Variants in IREB2 observed in about 807,000 individuals in gnomAD.
The protein encoded by IREB2 is iron responsive element binding protein 2.
Under a neutral mutation model 118.8 loss-of-function variants are expected in IREB2, and 39 were observed. The observed-to-expected ratio is 0.33, with a 90% CI of 0.25 to 0.43. The LOEUF is 0.43. Ranked by LOEUF, IREB2 falls within the 20% of genes least tolerant of loss-of-function variation. IREB2 has a pLI of 1.00. For synonymous variants in IREB2, 372 were observed against 392.2 expected (o/e 0.95, Z 0.61); for missense variants, 900 against 1,147.3 (o/e 0.78, Z 3.11).
chr15:78,452,758 AAAAG>A (rs1343010107), intron 2 of IREB2, among the ~76,000 whole-genome samples: 1 of 152,182 alleles, frequency 6.6e-6, no homozygotes, highest in Non-Finnish European at 1.5e-5. Context: ...AAAAAAATGA[AAAAG>A]AACTATAAAG....
rs762574926 is a variant in IREB2, at chr15:78,438,918, C to CAA, written c.19+574_19+575dup. On this transcript the variant is annotated intron_variant, in intron 1 of 21. Transcript: ENST00000258886. ...CTCCTCCCCCGTCCACCTCCCTCTACAAAAAAAAAAAAAGAGAAAAAAATA... is the reference window on the plus strand; with the variant it reads ...CTCCTCCCCCGTCCACCTCCCTCTACAAAAAAAAAAAAAAAGAGAAAAAAATA... 50 of 131,352 alleles carry CAA rather than the reference C, an allele frequency of 3.8e-4. No individual in the cohort carries two copies. The South Asian group carries it at 4.2e-3, about 11-fold the overall frequency. The allele number at this position is 131,352 out of a possible 1,614,324, so 8.1% of individuals were successfully genotyped here. A position where few individuals can be genotyped will look rare whatever the true frequency, so the allele number is the denominator to read the frequency against.
At chr15:78,464,712 A>C (rs1469344679) in intron 3 of IREB2, among the ~76,000 whole-genome samples, 3 of 152,204 alleles carry the variant, frequency 2.0e-5, no homozygotes, top group Non-Finnish European at 4.4e-5. Flanking sequence ...CTATTATAGT[A>C]CTTACGATAC....
In IREB2 at chr15:78,500,927, C is replaced by T. The variant is rs2051933167; in HGVS notation, c.*2784C>T. 6.6e-6 allele frequency: 1 copy of T among 152,208 alleles called. No homozygotes were observed. Among genetic ancestry groups the T allele is most frequent in the Non-Finnish European group, 1.5e-5 (1 of 68,042 alleles). The allele number at this position is 152,208 out of a possible 1,614,324, so 9.4% of individuals were successfully genotyped here. On this transcript the variant is annotated 3_prime_UTR_variant, in exon 22 of 22. Coordinates refer to ENST00000258886, the MANE Select transcript of IREB2 (RefSeq NM_004136.4). Reference sequence around the variant, plus strand: ...AGGAAAGTAAAGCTAGGACCTAAATCAGAATCATAGTTGCCTGCATATATG... The same window carrying T: ...AGGAAAGTAAAGCTAGGACCTAAATTAGAATCATAGTTGCCTGCATATATG...
intron 2 of IREB2, among the ~76,000 whole-genome samples, chr15:78,453,501 G>A (rs1040315435): frequency 6.6e-6 from 1 of 152,188 alleles, no homozygotes; most frequent in African/African-American, 2.4e-5. Flanking sequence ...GAAACCAGTT[G>A]AATTGCAAAC....
At chr15:78,444,336 G>A (rs1016331754) in intron 2 of IREB2, among the ~76,000 whole-genome samples, 4 of 152,046 alleles carry the variant, frequency 2.6e-5, no homozygotes, top group Non-Finnish European at 4.4e-5. Context: ...AAACATGAAT[G>A]ACTATGTTGA....
At chr15:78,452,600 T>A (rs1490551852) in intron 2 of IREB2, among the ~76,000 whole-genome samples, 1 of 152,086 alleles carries the variant, frequency 6.6e-6, no homozygotes, top group Non-Finnish European at 1.5e-5. Flanking sequence ...TAGGCCTACC[T>A]AGAAGTGTTA....
chr15:78,453,898 T>G (rs1837663124), intron 2 of IREB2, among the ~76,000 whole-genome samples: 1 of 152,228 alleles, frequency 6.6e-6, no homozygotes, highest in South Asian at 2.1e-4. Flanking sequence ...TAATCATGTG[T>G]TTACATTAGT....
chr15:78,448,981 A>C (rs1366216858), intron 2 of IREB2, among the ~76,000 whole-genome samples: 1 of 152,200 alleles, frequency 6.6e-6, no homozygotes, highest in Non-Finnish European at 1.5e-5. Flanking sequence ...TGCAAATATC[A>C]AAACCCTTTT....
intron 13 of IREB2, among the ~76,000 whole-genome samples, chr15:78,487,335 T>A (rs1231945808): frequency 6.6e-6 from 1 of 152,232 alleles, no homozygotes; most frequent in African/African-American, 2.4e-5. Flanking sequence ...GGGGGAATTC[T>A]CTTGTACAGT....
Position 78,484,920 on chromosome 15 carries a change from G to T in IREB2, c.1573G>T (p.Gly525Cys). ...NCNPSVMLAAGLLAKKAVEAG... is the reference protein window; with the variant it reads ...NCNPSVMLAACLLAKKAVEAG... The stretch of plus-strand genomic sequence containing the variant: ...CAATCCATCTGTCATGCTTGCTGCA[G>T]GTGGGTTGTGGTTTATGGCCATACT... The change falls in exon 12 of 22, where the codon GGT (glycine) becomes TGT (cysteine). Residue 525 changes from glycine to cysteine, a missense_variant and splice_region_variant. Transcript: ENST00000258886. 6.2e-7 allele frequency: 1 copy of T among 1,611,746 alleles called. No individual in the cohort carries two copies. The highest frequency in any genetic ancestry group is 8.5e-7 in the Non-Finnish European group (1 of 1,178,900).
At chr15:78,453,462 G>A (rs546220158) in intron 2 of IREB2, among the ~76,000 whole-genome samples, 24 of 151,974 alleles carry the variant, frequency 1.6e-4, no homozygotes, top group Non-Finnish European at 3.1e-4. Flanking sequence ...GTCAACTGGG[G>A]CTAGGAGCTG....
chr15:78,442,957 T>C (rs948089507), intron 2 of IREB2, among the ~76,000 whole-genome samples: 2 of 152,044 alleles, frequency 1.3e-5, no homozygotes, highest in Non-Finnish European at 2.9e-5. Context: ...TTGGCCAAAG[T>C]ATCAGTGGCC....
intron 16 of IREB2, 114 bp downstream of exon 16, chr15:78,488,885 T>TAA (rs2141520326): frequency 1.6e-6 from 1 of 639,588 alleles, no homozygotes; most frequent in South Asian, 2.7e-5. Context: ...ATACAGTTTT[T>TAA]AATGTGTAAT....
At chr15:78,489,734 C>T (rs2051718293) in intron 16 of IREB2, among the ~76,000 whole-genome samples, 1 of 152,262 alleles carries the variant, frequency 6.6e-6, no homozygotes, top group South Asian at 2.1e-4. Context: ...TGGTCTCAAA[C>T]TCCTGGACTC....
At chr15:78,439,037 T>C (rs2050803659) in intron 1 of IREB2, among the ~76,000 whole-genome samples, 2 of 152,042 alleles carry the variant, frequency 1.3e-5, no homozygotes, top group African/African-American at 4.8e-5. Flanking sequence ...CCGCTATGAG[T>C]CTGCACAAAA....
chr15:78,454,817 G>C (rs557928975), intron 2 of IREB2, among the ~76,000 whole-genome samples: 2 of 152,266 alleles, frequency 1.3e-5, no homozygotes, highest in African/African-American at 4.8e-5. Flanking sequence ...CTTCAGCCTC[G>C]TTAGTAGTTA....
At position 78,488,434 on chromosome 15, in the gene IREB2, T is replaced by G. The variant is rs573375988; in HGVS notation, c.1951+98T>G. 104 of 1,120,250 alleles carry G rather than the reference T, an allele frequency of 9.3e-5. No homozygotes were observed. In the African/African-American group the frequency reaches 1.5e-3, roughly 16 times the overall value. The allele number at this position is 1,120,250 out of a possible 1,614,324, so 69.4% of individuals were successfully genotyped here. ...TTTCTTAGACCATCTATTCTTTGAA[T>G]TATTTCAGGAAGACGTATGATAATG... is the stretch of plus-strand genomic sequence containing the variant. On this transcript the variant is annotated intron_variant, in intron 15 of 21. Coordinates refer to ENST00000258886, the MANE Select transcript of IREB2 (RefSeq NM_004136.4).
intron 2 of IREB2, among the ~76,000 whole-genome samples, chr15:78,448,147 A>G (rs2050962027): frequency 6.6e-6 from 1 of 152,096 alleles, no homozygotes; most frequent in Non-Finnish European, 1.5e-5. Context: ...GTATGTATGT[A>G]TATATTTATT....
intron 1 of IREB2, 101 bp downstream of exon 1, chr15:78,438,457 C>A: frequency 7.3e-7 from 1 of 1,363,832 alleles, no homozygotes; most frequent in Non-Finnish European, 1.0e-6. Context: ...CGGCAGGCGC[C>A]CAGGCCCTCG....
Sources: allele counts gnomAD v4.1 joint callset (sites outside exome capture counted in the v4.1 genomes callset), GRCh38; gene constraint gnomAD v4.1.1; transcripts MANE v1.5; gene names NCBI Gene and HGNC (gene_info 2026-07-23, HGNC 2026-07-21).